SMIM19: variants seen among roughly 807,000 people sequenced by gnomAD.
The protein encoded by SMIM19 is small integral membrane protein 19, also known as UPF0697 protein C8orf40.
SMIM19 carries 6 observed loss-of-function variants against 13.2 expected under a neutral mutation model. The observed-to-expected ratio is 0.45, with a 90% CI of 0.25 to 0.90. The LOEUF is 0.90. Ranked by LOEUF, SMIM19 falls within the 40% of genes least tolerant of loss-of-function variation. The probability of loss-of-function intolerance (pLI) is 0.19; values close to 1 mark genes in which losing one functional copy is unlikely to be tolerated. For missense variants in SMIM19, 138 were observed against 131.0 expected (o/e 1.05, Z -0.26); for synonymous variants, 46 against 43.1 (o/e 1.07, Z -0.27).
intron 1 of SMIM19, among the ~76,000 whole-genome samples, chr8:42,544,432 T>A (rs1345038085): frequency 2.6e-4 from 36 of 140,048 alleles, no homozygotes; most frequent in African/African-American, 6.6e-4. Context: ...AAAAAAAAAA[T>A]GCCAAATGCC....
At chr8:42,549,693 G>A (rs1260988356) in intron 3 of SMIM19, among the ~76,000 whole-genome samples, 1 of 151,996 alleles carries the variant, frequency 6.6e-6, no homozygotes, top group Non-Finnish European at 1.5e-5. Flanking sequence ...TAATGCCACT[G>A]AACTGTACAC....
chr8:42,549,963 G>A (rs1263923469), intron 3 of SMIM19, among the ~76,000 whole-genome samples: 2 of 152,054 alleles, frequency 1.3e-5, no homozygotes, highest in Admixed American at 1.3e-4. Flanking sequence ...GGGTGTGGTG[G>A]TGGGTGCCTG....
chr8:42,547,998 A>G (rs899552487), intron 2 of SMIM19, among the ~76,000 whole-genome samples: 39 of 152,232 alleles, frequency 2.6e-4, no homozygotes, highest in African/African-American at 9.4e-4. Flanking sequence ...GGAATCATTC[A>G]GAGCCCGCAC....
intron 3 of SMIM19, among the ~76,000 whole-genome samples, chr8:42,551,082 G>T (rs2131498311): frequency 6.6e-6 from 1 of 152,202 alleles, no homozygotes; most frequent in Non-Finnish European, 1.5e-5. Flanking sequence ...GCTTTGGGAG[G>T]CCGAGGCGGG....
At chr8:42,551,089 C>T (rs62509324) in intron 3 of SMIM19, among the ~76,000 whole-genome samples, 2 of 151,972 alleles carry the variant, frequency 1.3e-5, no homozygotes, top group Non-Finnish European at 2.9e-5. Flanking sequence ...GAGGCCGAGG[C>T]GGGTGGATCA....
At chr8:42,548,514 G>T (rs1282012347) in intron 2 of SMIM19, 142 bp from the exon 3 acceptor site, 1 of 1,043,800 alleles carries the variant, frequency 9.6e-7, no homozygotes, top group Non-Finnish European at 1.4e-6. Context: ...CAAGGAAGCA[G>T]CTCTCAAAGA....
At chr8:42,546,661 G>GT in intron 2 of SMIM19, 55 bp downstream of exon 2, 1 of 1,577,128 alleles carries the variant, frequency 6.3e-7, no homozygotes, top group Non-Finnish European at 8.6e-7. Context: ...AGTTTTGCTA[G>GT]TTTAAGAAAT....
rs1813248329 is a variant in SMIM19 at position 42,542,081 on chromosome 8, T to A, written c.-297T>A. 1 of 152,202 alleles carries A rather than the reference T, an allele frequency of 6.6e-6. No individual in the cohort carries two copies. 9.4% of individuals were successfully genotyped at this position (152,202 alleles called of 1,614,324 possible). A position where few individuals can be genotyped will look rare whatever the true frequency, so the allele number is the denominator to read the frequency against. On this transcript the variant is annotated 5_prime_UTR_variant, in exon 1 of 4. Coordinates refer to ENST00000417410, the MANE Select transcript of SMIM19 (RefSeq NM_001135674.2). ...TGCTTCCTGGGAGAGGATTACATTT[T>A]CTCCCTGCTCCACTTGACTTTCTTC...
At chr8:42,544,526 A>G (rs1316510742) in intron 1 of SMIM19, among the ~76,000 whole-genome samples, 1 of 40,062 alleles carries the variant, frequency 2.5e-5, no homozygotes, top group Non-Finnish European at 6.7e-5. Flanking sequence ...TGTTTAAACA[A>G]TATTTAGATA....
chr8:42,552,785 G>C lies in SMIM19; in HGVS notation c.*177G>C, dbSNP rs2033203651. 1.7e-5 allele frequency: 11 copies of C among 665,572 alleles called. No homozygotes were observed. Among genetic ancestry groups the C allele is most frequent in the Admixed American group, 2.9e-5 (1 of 34,004 alleles). The allele number at this position is 665,572 out of a possible 1,614,324, so 41.2% of individuals were successfully genotyped here. Reference sequence around the variant, plus strand: ...AATTACATCTCCAAGTGGCTCAAAAGGCCTTGACACAGGGAACCTGCACAT... The same window carrying C: ...AATTACATCTCCAAGTGGCTCAAAACGCCTTGACACAGGGAACCTGCACAT... On this transcript the variant is annotated 3_prime_UTR_variant, in exon 4 of 4. Transcript: ENST00000417410.
intron 3 of SMIM19, among the ~76,000 whole-genome samples, chr8:42,551,779 C>A (rs889059447): frequency 1.3e-5 from 2 of 151,854 alleles, no homozygotes; most frequent in African/African-American, 2.4e-5. Context: ...CCTGTCTATA[C>A]TAAAAATAAA....
chr8:42,541,545 C>T (rs1177107855), upstream of SMIM19: 2 of 148,542 alleles, frequency 1.3e-5, no homozygotes, highest in South Asian at 2.1e-4. Flanking sequence ...GACCTGGCTC[C>T]TCGTTTCATC....
At position 42,552,914 on chromosome 8, in the gene SMIM19, G is replaced by C. The variant is rs983101737; in HGVS notation, c.*306G>C. 1 of 292,692 alleles carries C rather than the reference G, an allele frequency of 3.4e-6. No individual in the cohort carries two copies. The highest frequency in any genetic ancestry group is 6.3e-6 in the Non-Finnish European group (1 of 158,848). The allele number at this position is 292,692 out of a possible 1,614,324, so 18.1% of individuals were successfully genotyped here. On this transcript the variant is annotated 3_prime_UTR_variant, in exon 4 of 4. Coordinates refer to ENST00000417410, the MANE Select transcript of SMIM19 (RefSeq NM_001135674.2). ...AATAAAAACACATCTTGGGAAGTGG[G>C]AATCCTGGAGTTTATGCCATTTGCA...
At chr8:42,547,138 A>G (rs377527652) in intron 2 of SMIM19, among the ~76,000 whole-genome samples, 220 of 151,862 alleles carry the variant, frequency 1.4e-3, no homozygotes, top group African/African-American at 4.8e-3. Flanking sequence ...AGGCTGGTGG[A>G]CCTCCTGAGG....
At chr8:42,547,611 G>A (rs1586327203) in intron 2 of SMIM19, among the ~76,000 whole-genome samples, 2 of 152,204 alleles carry the variant, frequency 1.3e-5, no homozygotes, top group Middle Eastern at 6.8e-3. Context: ...TGTTTTTTGT[G>A]CATGACTATA....
At chr8:42,542,568 A>G in intron 1 of SMIM19, 195 bp downstream of exon 1, 1 of 744,824 alleles carries the variant, frequency 1.3e-6, no homozygotes, top group Non-Finnish European at 1.6e-6. Flanking sequence ...CACGATGACA[A>G]GCGGTGGTCA....
Position 42,542,000 on chromosome 8 carries a change from C to T in SMIM19, c.-378C>T, listed in dbSNP as rs1238446853. On this transcript the variant is annotated 5_prime_UTR_variant, in exon 1 of 4. Transcript: ENST00000417410. ...GCGGGAGGGTTGAGGCTGAATCACG[C>T]GCAGCCTGCGGGCGGCGGAAACGTC... 6.6e-6 allele frequency: 1 copy of T among 152,198 alleles called. No individual in the cohort carries two copies. The allele number at this position is 152,198 out of a possible 1,614,324, so 9.4% of individuals were successfully genotyped here. A position where few individuals can be genotyped will look rare whatever the true frequency, so the allele number is the denominator to read the frequency against.
intron 2 of SMIM19, 74 bp from the exon 3 acceptor site, chr8:42,548,582 A>T: frequency 6.3e-7 from 1 of 1,581,984 alleles, no homozygotes. Flanking sequence ...GCTTCTGATG[A>T]CCAGGATCAT....
intron 3 of SMIM19, among the ~76,000 whole-genome samples, chr8:42,551,831 C>G (rs1813685341): frequency 2.0e-5 from 3 of 152,084 alleles, no homozygotes; most frequent in Non-Finnish European, 2.9e-5. Flanking sequence ...GTAGTCCCAG[C>G]TACTTGGGAG....
Sources: allele counts gnomAD v4.1 joint callset (sites outside exome capture counted in the v4.1 genomes callset), GRCh38; gene constraint gnomAD v4.1.1; transcripts MANE v1.5; gene names NCBI Gene and HGNC (gene_info 2026-07-23, HGNC 2026-07-21).